The following COL6A1 variants were observed in gnomAD, a reference collection of about 807,000 sequenced individuals.
The protein encoded by COL6A1 is collagen type VI alpha 1 chain.
In COL6A1, 80 loss-of-function variants were observed where a neutral mutation model predicts 145.6. That is an observed-to-expected ratio of 0.55 (90% CI 0.46 to 0.66). COL6A1 has a LOEUF of 0.66. Ranked by LOEUF, COL6A1 falls within the 30% of genes least tolerant of loss-of-function variation. The probability of loss-of-function intolerance (pLI) is 0.00; values close to 1 mark genes in which losing one functional copy is unlikely to be tolerated. For missense variants in COL6A1, 1,364 were observed against 1,473.8 expected (o/e 0.93, Z 1.22); for synonymous variants, 638 against 622.8 (o/e 1.02, Z -0.36).
rs1295943530 is a variant in COL6A1 at position 45,986,521 on chromosome 21, T to C, written c.429-5T>C. 6.4e-7 allele frequency: 1 copy of C among 1,556,142 alleles called. No homozygotes were observed. The highest frequency in any genetic ancestry group is 8.7e-7 in the Non-Finnish European group (1 of 1,149,982). On this transcript the variant is annotated splice_polypyrimidine_tract_variant and splice_region_variant and intron_variant, in intron 3 of 34. Transcript: ENST00000361866. ...CGAGGTCTCACGCTGCCCTCTCCTG[T>C]CCAGGGGCTCCCACCTGAAGGAGAA... is the stretch of plus-strand genomic sequence containing the variant.
At chr21:45,991,108 T>C in intron 15 of COL6A1, 67 bp downstream of exon 15, 12 of 1,552,230 alleles carry the variant, frequency 7.7e-6, no homozygotes, top group Non-Finnish European at 1.1e-5. Context: ...ATTGGAAACC[T>C]CTCCTGGAAG....
chr21:45,987,693 CCT>C (rs1334136468), intron 8 of COL6A1, 39 bp downstream of exon 8: 1 of 1,587,182 alleles, frequency 6.3e-7, no homozygotes, highest in African/African-American at 1.3e-5. Flanking sequence ...TGTTGTGGGG[CCT>C]GGGAGTGGGG....
At position 45,996,186 on chromosome 21, in the gene COL6A1, C is replaced by T. The variant is rs954754726; in HGVS notation, c.1399-1235C>T. 3.3e-5 allele frequency among the ~76,000 whole-genome samples: 5 copies of T among 152,388 alleles called. No homozygotes were observed. The East Asian group carries it at 9.6e-4, about 29-fold the overall frequency. On this transcript the variant is annotated intron_variant, in intron 20 of 34. Coordinates refer to ENST00000361866, the MANE Select transcript of COL6A1 (RefSeq NM_001848.3). The stretch of plus-strand genomic sequence containing the variant: ...CCTCCCACTTACCTGGCCCAGGGCA[C>T]AGAGACCTCCTTTCCATCCTTCCTC...
rs2077867754 is a variant in COL6A1, at chr21:46,004,227, T to A, written c.*214T>A. On this transcript the variant is annotated 3_prime_UTR_variant, in exon 35 of 35. Transcript: ENST00000361866. ...AGTTGGCATCACCTGCGCAGGGCCC[T>A]CTGGGGCTCAGCCCTGAGCTAGTGT... 2 of 640,010 alleles carry A rather than the reference T, an allele frequency of 3.1e-6. No homozygotes were observed. Among genetic ancestry groups the A allele is most frequent in the Admixed American group, 2.9e-5 (1 of 34,360 alleles). The allele number at this position is 640,010 out of a possible 1,614,324, so 39.6% of individuals were successfully genotyped here.
In COL6A1 at chr21:46,004,738, A is replaced by G; in HGVS notation, c.*725A>G. 2.2e-6 allele frequency: 1 copy of G among 445,556 alleles called. No homozygotes were observed. Among genetic ancestry groups the G allele is most frequent in the Non-Finnish European group, 4.5e-6 (1 of 220,178 alleles). The allele number at this position is 445,556 out of a possible 1,614,324, so 27.6% of individuals were successfully genotyped here. On this transcript the variant is annotated 3_prime_UTR_variant, in exon 35 of 35. Coordinates refer to ENST00000361866, the MANE Select transcript of COL6A1 (RefSeq NM_001848.3). ...TGGAGGCCGCTGCTGACCAGCACTGACCCCGACCTCAGAGAGTACTCGCAG... is the reference window on the plus strand; with the variant it reads ...TGGAGGCCGCTGCTGACCAGCACTGGCCCCGACCTCAGAGAGTACTCGCAG...
chr21:45,989,148 G>T lies in COL6A1; in HGVS notation c.858+11G>T. On this transcript the variant is annotated intron_variant, in intron 9 of 34. Transcript: ENST00000361866. ...GAAGCCGGAGATCCTGTGAGTGCCT[G>T]ACTGTGGGGTGGGGGCCCTAAGAAG... The T allele has an allele frequency of 6.3e-7, 1 of 1,594,960 alleles. No homozygotes were observed. The highest frequency in any genetic ancestry group is 8.5e-7 in the Non-Finnish European group (1 of 1,173,224).
At position 45,991,053 on chromosome 21, in the gene COL6A1, G is replaced by T; in HGVS notation, c.1119+12G>T. ...TGAAAGGAGAAAAGGTGAGTGACTT[G>T]CGGCCCCTGGAGGACCAGGGCCTTC... is the stretch of plus-strand genomic sequence containing the variant. On this transcript the variant is annotated intron_variant, in intron 15 of 34. Coordinates refer to ENST00000361866, the MANE Select transcript of COL6A1 (RefSeq NM_001848.3). 6.2e-7 allele frequency: 1 copy of T among 1,613,006 alleles called. No individual in the cohort carries two copies. Among genetic ancestry groups the T allele is most frequent in the South Asian group, 1.1e-5 (1 of 91,076 alleles).
chr21:46,000,433 C>T, intron 28 of COL6A1, 66 bp downstream of exon 28: 8 of 1,562,502 alleles, frequency 5.1e-6, no homozygotes, highest in Non-Finnish European at 7.1e-6. Flanking sequence ...CTGTTCCACT[C>T]CTAGAAGGGT....
At chr21:45,998,194 C>T (rs768436501) in intron 23 of COL6A1, 23 bp downstream of exon 23, 1 of 1,610,526 alleles carries the variant, frequency 6.2e-7, no homozygotes, top group South Asian at 1.1e-5. Context: ...AGGCTGAGCC[C>T]ACAGGAACAT....
At chr21:45,991,502 C>T (rs974019769) in intron 15 of COL6A1, among the ~76,000 whole-genome samples, 19 of 152,096 alleles carry the variant, frequency 1.2e-4, no homozygotes, top group Admixed American at 7.9e-4. Flanking sequence ...GGCGGGAGCA[C>T]GAGGCGGGAG....
At chr21:45,995,811 G>T (rs1173259710) in intron 20 of COL6A1, among the ~76,000 whole-genome samples, 2 of 152,214 alleles carry the variant, frequency 1.3e-5, no homozygotes, top group East Asian at 3.9e-4. Flanking sequence ...CAGTTGCCTG[G>T]CTGAGGCAGG....
intron 13 of COL6A1, 26 bp downstream of exon 13, chr21:45,990,448 G>T (rs552588135): frequency 2.3e-6 from 3 of 1,279,714 alleles, no homozygotes; most frequent in Non-Finnish European, 2.1e-6. Context: ...TAGGATGGAC[G>T]GGGAGGGACG....
At position 45,987,564 on chromosome 21, in the gene COL6A1, G is replaced by C. The variant is rs199815872; in HGVS notation, c.759+45G>C. ...CCTGACCCCGCGCCCTGCACCCTGGGAACCTGAGTCTGGGGTCCTGGCTGA... is the reference window on the plus strand; with the variant it reads ...CCTGACCCCGCGCCCTGCACCCTGGCAACCTGAGTCTGGGGTCCTGGCTGA... On this transcript the variant is annotated intron_variant, in intron 7 of 34. Coordinates refer to ENST00000361866, the MANE Select transcript of COL6A1 (RefSeq NM_001848.3). The C allele has an allele frequency of 1.1e-5, 18 of 1,612,740 alleles. No homozygotes were observed. The African/African-American group carries it at 2.0e-4, about 18-fold the overall frequency.
intron 16 of COL6A1, 39 bp from the exon 17 acceptor site, chr21:45,992,125 A>T: frequency 6.2e-7 from 1 of 1,613,576 alleles, no homozygotes; most frequent in African/African-American, 1.3e-5. Flanking sequence ...AGGGAGGGTC[A>T]AGGAGATGGA....
intron 13 of COL6A1, 25 bp downstream of exon 13, chr21:45,990,447 C>CAGTGTGAAGGTGACCA: frequency 2.4e-6 from 1 of 423,712 alleles, no homozygotes. Flanking sequence ...ATAGGATGGA[C>CAGTGTGAAGGTGACCA]GGGGAGGGAC....
rs546206595 is a variant in COL6A1, at chr21:45,994,646, G to A, written c.1398+417G>A. ...CAACTGGGGAGTGTGAGGCTATGGA[G>A]GTTTCCAGAATCCCAGGGTGTCAGG... On this transcript the variant is annotated intron_variant, in intron 20 of 34. Transcript: ENST00000361866. The surrounding 1 kb of genome is among the most constrained non-coding windows in gnomAD (Gnocchi z 6.8). 6.6e-6 allele frequency among the ~76,000 whole-genome samples: 1 copy of A among 152,264 alleles called. No homozygotes were observed. The highest frequency in any genetic ancestry group is 1.9e-4 in the East Asian group (1 of 5,186).
Position 45,993,020 on chromosome 21 carries a change from C to T in COL6A1, c.1335+210C>T, listed in dbSNP as rs528150505. Reference sequence around the variant, plus strand: ...TGCTGGGACCTGTTTCATGTGAAGGCGTTGCCCGTGGACCCGGTGCCCACT... The same window carrying T: ...TGCTGGGACCTGTTTCATGTGAAGGTGTTGCCCGTGGACCCGGTGCCCACT... On this transcript the variant is annotated intron_variant, in intron 19 of 34. Transcript: ENST00000361866. 6.8e-4 allele frequency among the ~76,000 whole-genome samples: 104 copies of T among 152,346 alleles called. 2 individuals carry two copies. Among genetic ancestry groups the T allele is most frequent in the African/African-American group, 2.3e-3 (97 of 41,582 alleles).
chr21:45,983,101 G>T (rs1354830870), intron 2 of COL6A1, among the ~76,000 whole-genome samples: 1 of 152,234 alleles, frequency 6.6e-6, no homozygotes, highest in Non-Finnish European at 1.5e-5. Flanking sequence ...AGGGCTCAGC[G>T]CACTGGCCCA....
intron 1 of COL6A1, 130 bp downstream of exon 1, chr21:45,982,077 C>T (rs932400769): frequency 2.6e-6 from 2 of 783,884 alleles, no homozygotes; most frequent in Non-Finnish European, 4.2e-6. Context: ...ACCCCACTCC[C>T]CGCTCGGGGC....
Sources: gnomAD v4.1 joint callset for allele counts (sites outside exome capture counted in the v4.1 genomes callset) on GRCh38, gnomAD v4.1.1 for gene constraint, Gnocchi (gnomAD v3.1) non-coding constraint, MANE v1.5 for transcripts, NCBI Gene and HGNC (gene_info 2026-07-23, HGNC 2026-07-21) for gene names.